Variants in SLC38A10 observed in about 807,000 individuals in gnomAD.
SLC38A10 encodes Sodium-coupled neutral amino acid transporter 10.
In SLC38A10, 53 loss-of-function variants were observed where a neutral mutation model predicts 81.0. The ratio of observed to expected loss-of-function variants is 0.65; its 90% CI spans 0.53 to 0.82. The LOEUF is 0.82. Ranked by LOEUF, SLC38A10 falls within the 40% of genes least tolerant of loss-of-function variation. SLC38A10 has a pLI of 0.00. For synonymous variants in SLC38A10, 665 were observed against 655.3 expected (o/e 1.01, Z -0.23); for missense variants, 1,471 against 1,545.0 (o/e 0.95, Z 0.80).
In SLC38A10 at chr17:81,280,933, T is replaced by A. The variant is rs190918966; in HGVS notation, c.502-200A>T. On this transcript the variant is annotated intron_variant, in intron 5 of 15. Coordinates refer to ENST00000374759, the MANE Select transcript of SLC38A10 (RefSeq NM_001037984.3). ...CAGGGAGACCCCGCGCCTTTCTGGA[T>A]TCCCAACCCCTGCCTCAGAGCACCC... Among the ~76,000 whole-genome samples the A allele has an allele frequency of 7.3e-5, 11 of 151,600 alleles. No homozygotes were observed. The East Asian group carries it at 1.9e-3, about 27-fold the overall frequency.
At chr17:81,278,220 T>A (rs982984435) in intron 6 of SLC38A10, among the ~76,000 whole-genome samples, 1 of 96,170 alleles carries the variant, frequency 1.0e-5, no homozygotes, top group East Asian at 2.1e-4. Context: ...CATCCTGACT[T>A]TATTAAAAAG....
At chr17:81,251,403 C>G (rs772555940) in intron 14 of SLC38A10, 90 bp downstream of exon 14, 3 of 1,611,438 alleles carry the variant, frequency 1.9e-6, no homozygotes, top group Non-Finnish European at 2.5e-6. Context: ...GCAGGGCTCC[C>G]GAGGATGACC....
chr17:81,268,888 A>G (rs2063092101), intron 10 of SLC38A10, among the ~76,000 whole-genome samples: 1 of 152,222 alleles, frequency 6.6e-6, no homozygotes, highest in East Asian at 1.9e-4. Context: ...TGCTGTTATA[A>G]GAGACATACC....
In SLC38A10 at chr17:81,283,196, T is replaced by A. The variant is rs1340847166; in HGVS notation, c.357+213A>T. On this transcript the variant is annotated intron_variant, in intron 4 of 15. Coordinates refer to ENST00000374759, the MANE Select transcript of SLC38A10 (RefSeq NM_001037984.3). The surrounding 1 kb of genome is among the most constrained non-coding windows in gnomAD (Gnocchi z 4.7). ...CCACCCGCCCCTCATCTACATGGTG[T>A]CAGACTCTGCCTGGCTTGCTTCCTC... Among the ~76,000 whole-genome samples, 1 of 151,926 alleles carries A rather than the reference T, an allele frequency of 6.6e-6. No homozygotes were observed. Among genetic ancestry groups the A allele is most frequent in the African/African-American group, 2.4e-5 (1 of 41,344 alleles).
In SLC38A10 at chr17:81,294,832, G is replaced by C. The variant is rs2063335869; in HGVS notation, c.90C>G (p.Cys30Trp). 3.8e-6 allele frequency: 6 copies of C among 1,590,634 alleles called. No homozygotes were observed. The highest frequency in any genetic ancestry group is 3.3e-4 in the Middle Eastern group (2 of 6,034). Residue 30 changes from cysteine to tryptophan, a missense_variant, in exon 1 of 16, where the codon TGC becomes TGG. Transcript: ENST00000374759. ...VGVSVLTMPF[C>W]FKQCGIVLGA... ...GGCCCACCGGACTCACCTGTTTGAA[G>C]CAGAAGGGCATGGTGAGGACACTGA...
At chr17:81,250,107 T>A in intron 14 of SLC38A10, 1 of 1,288,222 alleles carries the variant, frequency 7.8e-7, no homozygotes, top group Admixed American at 2.3e-5. Flanking sequence ...CTCGTCCCGT[T>A]GAGAGGCATA....
chr17:81,266,401 T>G (rs987415802), intron 10 of SLC38A10, among the ~76,000 whole-genome samples: 1 of 151,958 alleles, frequency 6.6e-6, no homozygotes, highest in Non-Finnish European at 1.5e-5. Context: ...GGGCGGATCA[T>G]GAGGTCAGGA....
Position 81,289,171 on chromosome 17 carries a change from G to C in SLC38A10, c.217+520C>G, listed in dbSNP as rs1039816678. Among the ~76,000 whole-genome samples, 3 of 152,092 alleles carry C rather than the reference G, an allele frequency of 2.0e-5. No homozygotes were observed. Among genetic ancestry groups the C allele is most frequent in the Non-Finnish European group, 4.4e-5 (3 of 68,010 alleles). ...TTCTCTGGCCTCAGCCTCCTGAGTA[G>C]CTAGGATTACAGATGCCTGCCACCA... On this transcript the variant is annotated intron_variant, in intron 2 of 15. Transcript: ENST00000374759. The surrounding 1 kb of genome is among the most constrained non-coding windows in gnomAD (Gnocchi z 5.9).
rs1293027746 is a variant in SLC38A10 at position 81,283,877 on chromosome 17, T to C, written c.264-375A>G. Among the ~76,000 whole-genome samples the C allele has an allele frequency of 2.0e-5, 3 of 150,592 alleles. No individual in the cohort carries two copies. Among genetic ancestry groups the C allele is most frequent in the Non-Finnish European group, 4.4e-5 (3 of 67,716 alleles). ...CGCCTGCCTCAGCCTCCCAAAGTGC[T>C]GGGATTACAGGCGTGAGCCACTGTG... is the stretch of plus-strand genomic sequence containing the variant. On this transcript the variant is annotated intron_variant, in intron 3 of 15. Transcript: ENST00000374759. The surrounding 1 kb of genome is among the most constrained non-coding windows in gnomAD (Gnocchi z 4.7).
At chr17:81,264,398 A>G (rs1207090817) in intron 10 of SLC38A10, 2 of 152,254 alleles carry the variant, frequency 1.3e-5, no homozygotes, top group Non-Finnish European at 2.9e-5. Context: ...TATCAGATCA[A>G]TACAGCCGCA....
rs373116584 is a variant in SLC38A10 at position 81,276,192 on chromosome 17, C to G, written c.730-41G>C. On this transcript the variant is annotated intron_variant, in intron 7 of 15. Coordinates refer to ENST00000374759, the MANE Select transcript of SLC38A10 (RefSeq NM_001037984.3). The surrounding 1 kb of genome is among the most constrained non-coding windows in gnomAD (Gnocchi z 4.7). ...AAATGGCAACGTGGCAGACAGACATCCTAGCCGAGTGGCACCTGTCACAGT... is the reference window on the plus strand; with the variant it reads ...AAATGGCAACGTGGCAGACAGACATGCTAGCCGAGTGGCACCTGTCACAGT... 2 of 1,551,578 alleles carry G rather than the reference C, an allele frequency of 1.3e-6. No individual in the cohort carries two copies. The highest frequency in any genetic ancestry group is 1.7e-6 in the Non-Finnish European group (2 of 1,145,866).
Position 81,246,299 on chromosome 17 carries a change from G to T in SLC38A10, c.2617C>A (p.Arg873Ser). The T allele has an allele frequency of 6.2e-7, 1 of 1,611,334 alleles. No homozygotes were observed. ...PAREAGGPEE[R>S]LAEEFPGQSQ... ...TGCCCAGGGAATTCCTCTGCGAGGC[G>T]CTCCTCTGGGCCCCCGGCTTCCCTG... The change falls in exon 16 of 16, where the codon CGC becomes AGC. Residue 873 changes from arginine (R) to serine (S), a missense_variant. Around this residue, in one of 2 missense-constraint regions of SLC38A10, gnomAD observed 751 missense variants for 717.4 expected, o/e 1.05. Coordinates refer to ENST00000374759, the MANE Select transcript of SLC38A10 (RefSeq NM_001037984.3).
intron 11 of SLC38A10, among the ~76,000 whole-genome samples, chr17:81,259,120 C>T (rs562123661): frequency 1.2e-4 from 19 of 152,348 alleles, no homozygotes; most frequent in Admixed American, 8.5e-4. Context: ...CCCAGGGTCA[C>T]GGCTGAGATG....
At position 81,277,244 on chromosome 17, in the gene SLC38A10, A is replaced by T; in HGVS notation, c.627-111T>A. ...CAGTGAGAGTCTCTGACCTTCCTTC[A>T]TGCAACATTCTCTGCACACTGGAAG... On this transcript the variant is annotated intron_variant, in intron 6 of 15. Coordinates refer to ENST00000374759, the MANE Select transcript of SLC38A10 (RefSeq NM_001037984.3). The surrounding 1 kb of genome is among the most constrained non-coding windows in gnomAD (Gnocchi z 4.5). 4 of 912,362 alleles carry T rather than the reference A, an allele frequency of 4.4e-6. No homozygotes were observed. The highest frequency in any genetic ancestry group is 6.9e-6 in the Non-Finnish European group (4 of 577,912). The allele number at this position is 912,362 out of a possible 1,614,324, so 56.5% of individuals were successfully genotyped here.
chr17:81,268,543 T>C (rs967707949), intron 10 of SLC38A10, among the ~76,000 whole-genome samples: 10 of 151,984 alleles, frequency 6.6e-5, no homozygotes, highest in African/African-American at 9.7e-5. Flanking sequence ...AGTGCTGGGA[T>C]TACAGGAGTG....
rs551535306 is a variant in SLC38A10, at chr17:81,259,634, C to T, written c.1288+604G>A. ...CCTGGAAAGCCACACTCAGGAAACA[C>T]GCATCTCTGCACCCCGGGCTGTGCC... On this transcript the variant is annotated intron_variant, in intron 11 of 15. Coordinates refer to ENST00000374759, the MANE Select transcript of SLC38A10 (RefSeq NM_001037984.3). 3.9e-5 allele frequency among the ~76,000 whole-genome samples: 6 copies of T among 152,292 alleles called. No individual in the cohort carries two copies. The South Asian group carries it at 8.3e-4, about 21-fold the overall frequency.
chr17:81,260,572 C>A (rs1297499088), intron 10 of SLC38A10, among the ~76,000 whole-genome samples, 178 bp from the exon 11 acceptor site: 1 of 152,214 alleles, frequency 6.6e-6, no homozygotes, highest in Non-Finnish European at 1.5e-5. Context: ...GGACAGGTGT[C>A]CACTCCCAGG....
intron 6 of SLC38A10, 110 bp downstream of exon 6, chr17:81,280,499 A>C: frequency 6.8e-7 from 1 of 1,475,080 alleles, no homozygotes; most frequent in Non-Finnish European, 9.2e-7. Flanking sequence ...ATCACTCTTT[A>C]GCAGCCAGCA....
intron 14 of SLC38A10, chr17:81,250,189 G>A: frequency 1.7e-6 from 2 of 1,193,188 alleles, no homozygotes; most frequent in South Asian, 1.3e-5. Flanking sequence ...AATCAAACAG[G>A]TTCAGGTAAC....
Sources: allele counts gnomAD v4.1 joint callset (sites outside exome capture counted in the v4.1 genomes callset), GRCh38; gene constraint gnomAD v4.1.1; regional missense constraint gnomAD v4.1.1; non-coding constraint Gnocchi (gnomAD v3.1); transcripts MANE v1.5; gene names NCBI Gene and HGNC (gene_info 2026-07-23, HGNC 2026-07-21).